The following CNTN5 variants were observed in gnomAD, a reference collection of about 807,000 sequenced individuals.
CNTN5 encodes the protein contactin 5, also known as contactin-5.
In CNTN5, 77 loss-of-function variants were observed where a neutral mutation model predicts 129.1. The observed-to-expected ratio is 0.60, with a 90% confidence interval of 0.50 to 0.72. CNTN5 has a LOEUF of 0.72. Among genes scored for constraint, CNTN5 ranks in the 30% least tolerant of loss-of-function variants. The pLI is 0.00. For synonymous variants in CNTN5, 509 were observed against 465.6 expected, an observed-to-expected ratio of 1.09 and a Z score of -1.20; for missense variants, 1,478 against 1,328.8, an observed-to-expected ratio of 1.11 and a Z score of -1.75.
At chr11:100,168,378 G>A (rs971874781) in intron 13 of CNTN5, among the ~76,000 whole-genome samples, 2 of 151,906 alleles carry the variant, frequency 1.3e-5, no homozygotes, top group African/African-American at 4.8e-5. Context: ...TCTTGTTAGG[G>A]GCTAATGTAA....
chr11:99,502,565 C>CT (rs2135386455), intron 2 of CNTN5, among the ~76,000 whole-genome samples: 1 of 152,230 alleles, frequency 6.6e-6, no homozygotes, highest in Non-Finnish European at 1.5e-5. Flanking sequence ...TCTCCTTCAC[C>CT]TTTTTCCATG....
chr11:99,887,481 G>A (rs1374942551), intron 6 of CNTN5, among the ~76,000 whole-genome samples: 1 of 152,106 alleles, frequency 6.6e-6, no homozygotes, highest in South Asian at 2.1e-4. Flanking sequence ...GTTCTCTAGA[G>A]GGACAGAACT....
At chr11:99,544,162 G>A (rs893424289) in intron 2 of CNTN5, among the ~76,000 whole-genome samples, 1 of 152,068 alleles carries the variant, frequency 6.6e-6, no homozygotes, top group African/African-American at 2.4e-5. Flanking sequence ...TACGGTGGAA[G>A]GTGAAGCAGG....
intron 1 of CNTN5, among the ~76,000 whole-genome samples, chr11:99,159,241 T>C (rs1014201446): frequency 6.6e-6 from 1 of 152,214 alleles, no homozygotes; most frequent in African/African-American, 2.4e-5. Flanking sequence ...AAAATATATA[T>C]CTAATTTTTG....
chr11:99,421,222 G>A (rs193080992), intron 2 of CNTN5, among the ~76,000 whole-genome samples: 9 of 151,776 alleles, frequency 5.9e-5, no homozygotes, highest in South Asian at 2.1e-4. Context: ...ATACATGGGC[G>A]GACAACATAC....
At chr11:99,150,644 CAT>C (rs1465784660) in intron 1 of CNTN5, among the ~76,000 whole-genome samples, 2 of 151,802 alleles carry the variant, frequency 1.3e-5, no homozygotes, top group African/African-American at 2.4e-5. Flanking sequence ...AATAAATTCT[CAT>C]GTTTTATTAA....
intron 3 of CNTN5, among the ~76,000 whole-genome samples, chr11:99,781,664 T>C (rs1016092196): frequency 2.6e-5 from 4 of 152,106 alleles, no homozygotes; most frequent in African/African-American, 9.7e-5. Flanking sequence ...TGAACAATTA[T>C]GGGTTTCAAT....
intron 2 of CNTN5, among the ~76,000 whole-genome samples, chr11:99,436,622 C>CA (rs1943609830): frequency 6.6e-6 from 1 of 151,988 alleles, no homozygotes; most frequent in South Asian, 2.1e-4. Flanking sequence ...TAGGTAAATC[C>CA]AAAAAACTTT....
At chr11:99,281,909 C>T (rs376499981) in intron 1 of CNTN5, among the ~76,000 whole-genome samples, 47 of 152,050 alleles carry the variant, frequency 3.1e-4, no homozygotes, top group African/African-American at 1.1e-3. Flanking sequence ...ACGTTGGAGC[C>T]TCTGGGCTTG....
intron 6 of CNTN5, among the ~76,000 whole-genome samples, chr11:99,871,087 T>C (rs545296590): frequency 1.4e-4 from 22 of 152,192 alleles, no homozygotes; most frequent in South Asian, 1.0e-3. Context: ...ATCTTAGTTA[T>C]TGAATTTAAG....
intron 7 of CNTN5, among the ~76,000 whole-genome samples, chr11:99,932,748 G>GTGA (rs139712498): frequency 5.3e-5 from 8 of 152,078 alleles, no homozygotes; most frequent in East Asian, 1.9e-4. Flanking sequence ...CTATAACTTA[G>GTGA]TGATGATGAT....
chr11:99,469,426 T>G (rs938715535), intron 2 of CNTN5, among the ~76,000 whole-genome samples: 3 of 152,160 alleles, frequency 2.0e-5, no homozygotes, highest in African/African-American at 7.2e-5. Flanking sequence ...CAGTATTTAT[T>G]ATTTTAAAAG....
intron 3 of CNTN5, among the ~76,000 whole-genome samples, chr11:99,743,990 T>C (rs73552051): frequency 0.063 from 9,603 of 152,164 alleles, 466 homozygotes; most frequent in African/African-American, 0.14. Flanking sequence ...CCCTGACTTT[T>C]GTACCCCCAT....
chr11:99,251,540 G>A (rs1192531693), intron 1 of CNTN5, among the ~76,000 whole-genome samples: 1 of 151,556 alleles, frequency 6.6e-6, no homozygotes, highest in Non-Finnish European at 1.5e-5. Flanking sequence ...AATGTAGATG[G>A]CAACATTTCA....
At chr11:100,072,180 C>T (rs1591181819) in intron 12 of CNTN5, among the ~76,000 whole-genome samples, 1 of 152,124 alleles carries the variant, frequency 6.6e-6, no homozygotes, top group African/African-American at 2.4e-5. Flanking sequence ...ATATAGAATT[C>T]CAGCAGCCTG....
chr11:99,909,910 A>G (rs1949612416), intron 6 of CNTN5, among the ~76,000 whole-genome samples: 1 of 152,096 alleles, frequency 6.6e-6, no homozygotes, highest in Non-Finnish European at 1.5e-5. Flanking sequence ...ATGTATACAT[A>G]TGTAACAAAC....
At chr11:99,097,646 C>G (rs1335336856) in intron 1 of CNTN5, among the ~76,000 whole-genome samples, 1 of 151,722 alleles carries the variant, frequency 6.6e-6, no homozygotes, top group Non-Finnish European at 1.5e-5. Context: ...GAATGCTTCA[C>G]CAAAACCTTT....
chr11:99,297,058 T>C (rs1864418081), intron 1 of CNTN5, among the ~76,000 whole-genome samples: 2 of 152,228 alleles, frequency 1.3e-5, no homozygotes, highest in Non-Finnish European at 2.9e-5. Flanking sequence ...AGAAGGAGTC[T>C]AGAGTAGTTA....
At chr11:100,250,672 A>G (rs927663835) in intron 16 of CNTN5, among the ~76,000 whole-genome samples, 7 of 152,156 alleles carry the variant, frequency 4.6e-5, no homozygotes, top group Non-Finnish European at 8.8e-5. Flanking sequence ...TCTAAGAACC[A>G]TATTTGGGCA....
Sources: allele counts gnomAD v4.1 joint callset (sites outside exome capture counted in the v4.1 genomes callset), GRCh38; gene constraint gnomAD v4.1.1; transcripts MANE v1.5; gene names NCBI Gene and HGNC (gene_info 2026-07-23, HGNC 2026-07-21).